TMPRSS2: variants seen among roughly 807,000 people sequenced by gnomAD.
TMPRSS2 encodes the protein transmembrane serine protease 2, also known as transmembrane protease serine 2.
TMPRSS2 carries 59 observed loss-of-function variants against 67.4 expected under a neutral mutation model. That is an observed-to-expected ratio of 0.88 (90% CI 0.71 to 1.09). The LOEUF (loss-of-function observed/expected upper bound fraction) is 1.09, where lower values mean the gene tolerates loss of function less well. Ranked by LOEUF, TMPRSS2 falls within the 50% of genes least tolerant of loss-of-function variation. TMPRSS2 has a pLI of 0.00. For synonymous variants in TMPRSS2, 257 were observed against 257.0 expected, an observed-to-expected ratio of 1.00 and a Z score of 0.00; for missense variants, 668 against 642.7, an observed-to-expected ratio of 1.04 and a Z score of -0.43.
intron 1 of TMPRSS2, among the ~76,000 whole-genome samples, chr21:41,500,426 C>T (rs993721006): frequency 1.3e-5 from 2 of 152,220 alleles, no homozygotes; most frequent in Admixed American, 6.5e-5. Flanking sequence ...AAGCCCACCA[C>T]GGAGCCAAGT....
intron 2 of TMPRSS2, among the ~76,000 whole-genome samples, chr21:41,496,949 G>A (rs34256269): frequency 0.12 from 18,113 of 145,990 alleles, 1,461 homozygotes; most frequent in Non-Finnish European, 0.17. Flanking sequence ...CAAGTGATTC[G>A]TCTGCCTCAG....
rs2091362656 is a variant in TMPRSS2, at chr21:41,494,443, G to A, written c.151C>T (p.Gln51Ter). ...TGCGTCAGGACCCTCGGGGCGTACT[G>A]GGGCACGGGGGACGGGTAGTACTGA... The part of the protein sequence containing the change: ...PAQYYPSPVP[Q>*]YAPRVLTQAS... The change falls in exon 3 of 14, where the codon CAG becomes TAG. Residue 51 changes from glutamine to a stop codon, truncating the protein, a stop_gained. Transcript: ENST00000332149. LOFTEE classifies it high-confidence loss of function. 1.9e-6 allele frequency: 3 copies of A among 1,613,522 alleles called. No individual in the cohort carries two copies. Among genetic ancestry groups the A allele is most frequent in the Non-Finnish European group, 2.5e-6 (3 of 1,179,868 alleles).
intron 5 of TMPRSS2, among the ~76,000 whole-genome samples, chr21:41,482,175 A>T (rs200072801): frequency 6.6e-6 from 1 of 152,160 alleles, no homozygotes; most frequent in East Asian, 1.9e-4. Context: ...TTCTGCTGAA[A>T]TGATCTCAGC....
chr21:41,505,897 G>A (rs1445944986), intron 1 of TMPRSS2, among the ~76,000 whole-genome samples: 1 of 152,204 alleles, frequency 6.6e-6, no homozygotes, highest in African/African-American at 2.4e-5. Context: ...GACCTATGGA[G>A]CCAGACAGGC....
chr21:41,488,385 C>A lies in TMPRSS2; in HGVS notation c.445+9G>T. The A allele has an allele frequency of 6.2e-7, 1 of 1,610,402 alleles. No homozygotes were observed. Among genetic ancestry groups the A allele is most frequent in the Non-Finnish European group, 8.5e-7 (1 of 1,177,868 alleles). ...GAGGAGTCCCTTCCCAAGGTCAAGG[C>A]TGACTCACCACACCGATTCTCGTCC... On this transcript the variant is annotated intron_variant, in intron 5 of 13. Transcript: ENST00000332149.
rs1177200347 is a variant in TMPRSS2, at chr21:41,478,307, G to A, written c.683+865C>T. Reference sequence around the variant, plus strand: ...CCAGGCTCCCACTCAGAGGAAAGGTGGCGCGGGGTGATTAGTTCATCCTCC... The same window carrying A: ...CCAGGCTCCCACTCAGAGGAAAGGTAGCGCGGGGTGATTAGTTCATCCTCC... On this transcript the variant is annotated intron_variant, in intron 7 of 13. Coordinates refer to ENST00000332149, the MANE Select transcript of TMPRSS2 (RefSeq NM_005656.4). The surrounding 1 kb of genome is among the most constrained non-coding windows in gnomAD (Gnocchi z 4.0). 6.6e-6 allele frequency among the ~76,000 whole-genome samples: 1 copy of A among 152,174 alleles called. No individual in the cohort carries two copies. Among genetic ancestry groups the A allele is most frequent in the East Asian group, 1.9e-4 (1 of 5,172 alleles).
At chr21:41,493,570 A>G (rs1387617171) in intron 3 of TMPRSS2, among the ~76,000 whole-genome samples, 1 of 152,258 alleles carries the variant, frequency 6.6e-6, no homozygotes, top group Non-Finnish European at 1.5e-5. Flanking sequence ...AAAATAAAAT[A>G]AAAGCACTAT....
chr21:41,499,491 T>A (rs2091409052), intron 1 of TMPRSS2, among the ~76,000 whole-genome samples: 1 of 152,186 alleles, frequency 6.6e-6, no homozygotes, highest in Non-Finnish European at 1.5e-5. Context: ...ACTCTGGATA[T>A]CTGATCGGGT....
Position 41,467,752 on chromosome 21 carries a change from C to T in TMPRSS2, c.1449G>A (p.Trp483Ter). ...VYGNVMVFTD[W>*]IYRQMRADG ...TAGTTACCCTCATTTGTCGATAAAT[C>T]CAGTCCGTGAATACCATCACATTCC... Residue 483 changes from tryptophan to a stop codon, truncating the protein, a stop_gained, in exon 13 of 14, where the codon TGG becomes TGA. Transcript: ENST00000332149. LOFTEE classifies it high-confidence loss of function. 5 of 1,614,176 alleles carry T rather than the reference C, an allele frequency of 3.1e-6. No individual in the cohort carries two copies. The highest frequency in any genetic ancestry group is 4.2e-6 in the Non-Finnish European group (5 of 1,180,022).
chr21:41,481,889 C>T lies in TMPRSS2; in HGVS notation c.446-1287G>A, dbSNP rs190682490. Among the ~76,000 whole-genome samples, 479 of 152,086 alleles carry T rather than the reference C, an allele frequency of 3.1e-3. 3 individuals are homozygous for T. The highest frequency in any genetic ancestry group is 5.5e-3 in the Non-Finnish European group (375 of 67,988). On this transcript the variant is annotated intron_variant, in intron 5 of 13. Coordinates refer to ENST00000332149, the MANE Select transcript of TMPRSS2 (RefSeq NM_005656.4). The stretch of plus-strand genomic sequence containing the variant: ...ATCAGCCTGGCCAACATGGAGAAAC[C>T]GATCTCTACTAAAATGCAAAAATTA...
intron 11 of TMPRSS2, 71 bp from the exon 12 acceptor site, chr21:41,468,609 C>A: frequency 6.4e-7 from 1 of 1,558,470 alleles, no homozygotes; most frequent in Non-Finnish European, 8.8e-7. Context: ...CACTTCCCTC[C>A]CTGAGACCTC....
intron 5 of TMPRSS2, among the ~76,000 whole-genome samples, chr21:41,480,952 A>G (rs960570035): frequency 1.3e-5 from 2 of 152,078 alleles, no homozygotes; most frequent in Admixed American, 6.5e-5. Context: ...CCCAACTTGT[A>G]TCGTCCTAGC....
chr21:41,476,665 C>CA lies in TMPRSS2; in HGVS notation c.684-46dup, dbSNP rs1390194508. On this transcript the variant is annotated intron_variant, in intron 7 of 13. Transcript: ENST00000332149. ...AATTCTGGTCACGATAGTGCGGAGT[C>CA]ACCTGCCTCTCACATGCTTAGAAAT... The CA allele has an allele frequency of 4.6e-6, 7 of 1,534,814 alleles. No homozygotes were observed. The African/African-American group carries it at 9.5e-5, about 21-fold the overall frequency.
In TMPRSS2 at chr21:41,466,156, G is replaced by C. The variant is rs374666536; in HGVS notation, c.1468-3C>G. 1 of 1,613,426 alleles carries C rather than the reference G, an allele frequency of 6.2e-7. No individual in the cohort carries two copies. The highest frequency in any genetic ancestry group is 8.5e-7 in the Non-Finnish European group (1 of 1,179,866). The stretch of plus-strand genomic sequence containing the variant: ...GACCATGTGGATTAGCCGTCTGCCT[G>C]TTCAAATAGGAAAAAAAAAAGTGTG... On this transcript the variant is annotated splice_polypyrimidine_tract_variant and splice_region_variant and intron_variant, in intron 13 of 13. Coordinates refer to ENST00000332149, the MANE Select transcript of TMPRSS2 (RefSeq NM_005656.4).
chr21:41,477,964 G>A (rs906554205), intron 7 of TMPRSS2, among the ~76,000 whole-genome samples: 4 of 151,572 alleles, frequency 2.6e-5, no homozygotes, highest in African/African-American at 9.7e-5. Context: ...GCCTCCTTGT[G>A]AGTTCCCAAG....
rs146797606 is a variant in TMPRSS2, at chr21:41,468,831, T to C, written c.1172-293A>G. On this transcript the variant is annotated intron_variant, in intron 11 of 13. Transcript: ENST00000332149. ...CAGTGCCATGGAATCCCCCTCTTAT[T>C]CACCCAACGGCTTGGTTCTGCTGAA... 820 of 333,958 alleles carry C rather than the reference T, an allele frequency of 2.5e-3. 6 individuals are homozygous for C. Among genetic ancestry groups the C allele is most frequent in the African/African-American group, 0.015 (746 of 49,162 alleles). 20.7% of individuals were successfully genotyped at this position (333,958 alleles called of 1,614,324 possible).
chr21:41,505,144 T>C (rs2091449383), intron 1 of TMPRSS2, among the ~76,000 whole-genome samples: 1 of 152,274 alleles, frequency 6.6e-6, no homozygotes, highest in Admixed American at 6.5e-5. Flanking sequence ...AAGCACTCCA[T>C]TGACCATTCA....
chr21:41,487,707 T>G (rs1450736056), intron 5 of TMPRSS2: 1 of 152,088 alleles, frequency 6.6e-6, no homozygotes, highest in Non-Finnish European at 1.5e-5. Context: ...GAAAATAAAA[T>G]GAAACAGATG....
intron 5 of TMPRSS2, chr21:41,487,697 G>A (rs1160003194): frequency 5.3e-5 from 8 of 152,136 alleles, no homozygotes; most frequent in Non-Finnish European, 1.0e-4. Context: ...ATAAACCACA[G>A]AAAATAAAAT....
Sources: allele counts gnomAD v4.1 joint callset (sites outside exome capture counted in the v4.1 genomes callset), GRCh38; gene constraint gnomAD v4.1.1; non-coding constraint Gnocchi (gnomAD v3.1); transcripts MANE v1.5; gene names NCBI Gene and HGNC (gene_info 2026-07-23, HGNC 2026-07-21).